The following TTC39C variants were observed in gnomAD, a reference collection of about 807,000 sequenced individuals.
TTC39C encodes tetratricopeptide repeat protein 39C.
TTC39C carries 33 observed loss-of-function variants against 76.3 expected under a neutral mutation model. The ratio of observed to expected loss-of-function variants is 0.43; its 90% confidence interval spans 0.33 to 0.58. The LOEUF (loss-of-function observed/expected upper bound fraction) is 0.58. TTC39C is among the 20% of genes least tolerant of loss of function. The pLI is 0.04. For synonymous variants in TTC39C, 254 were observed against 260.6 expected, an observed-to-expected ratio of 0.97 and a Z score of 0.24; for missense variants, 595 against 701.4, an observed-to-expected ratio of 0.85 and a Z score of 1.71.
At chr18:24,132,172 G>A (rs944758795) in intron 13 of TTC39C, among the ~76,000 whole-genome samples, 2 of 152,198 alleles carry the variant, frequency 1.3e-5, no homozygotes, top group Non-Finnish European at 2.9e-5. Context: ...GATAACTTTT[G>A]ATTTTATAAC....
intron 13 of TTC39C, 36 bp downstream of exon 13, chr18:24,131,956 T>C (rs1445655124): frequency 6.2e-7 from 1 of 1,601,602 alleles, no homozygotes; most frequent in East Asian, 2.2e-5. Flanking sequence ...CCAGTGGCCC[T>C]TCTTATCCCA....
At chr18:24,005,221 T>C (rs2083342847) in intron 1 of TTC39C, among the ~76,000 whole-genome samples, 1 of 152,200 alleles carries the variant, frequency 6.6e-6, no homozygotes. Flanking sequence ...AACTTGTCTT[T>C]CTCCTCACAT....
intron 6 of TTC39C, among the ~76,000 whole-genome samples, chr18:24,097,258 A>G (rs909045461): frequency 7.9e-5 from 12 of 152,196 alleles, no homozygotes; most frequent in Non-Finnish European, 8.8e-5. Context: ...GCATCCCAAA[A>G]AAACTGTTGC....
At chr18:24,042,826 T>C (rs1158398268) in intron 1 of TTC39C, among the ~76,000 whole-genome samples, 1 of 152,128 alleles carries the variant, frequency 6.6e-6, no homozygotes, top group East Asian at 1.9e-4. Flanking sequence ...AAATAACGGG[T>C]GTGCCTAATG....
chr18:24,052,548 A>G (rs2083964426), intron 1 of TTC39C, among the ~76,000 whole-genome samples: 1 of 152,240 alleles, frequency 6.6e-6, no homozygotes, highest in African/African-American at 2.4e-5. Context: ...CTTTAAAAAA[A>G]AAATTATTGC....
chr18:24,100,057 T>G (rs1568437498), intron 6 of TTC39C, among the ~76,000 whole-genome samples: 1 of 152,232 alleles, frequency 6.6e-6, no homozygotes, highest in Admixed American at 6.5e-5. Context: ...GTTTCTAGTT[T>G]CCCTTAACTT....
In TTC39C at chr18:24,123,385, T is replaced by G. The variant is rs11875720; in HGVS notation, c.1187-449T>G. Among the ~76,000 whole-genome samples the G allele has an allele frequency of 2.5e-3, 349 of 139,170 alleles. 3 individuals carry two copies. Among genetic ancestry groups the G allele is most frequent in the African/African-American group, 0.01 (324 of 31,456 alleles). The allele number at this position is 139,170 out of a possible 152,430, so 91.3% of individuals were successfully genotyped here. A position where few individuals can be genotyped will look rare whatever the true frequency, so the allele number is the denominator to read the frequency against. On this transcript the variant is annotated intron_variant, in intron 8 of 13. Transcript: ENST00000317571. ...GCAGTCCTTTGTGGAACAGTCTTTT[T>G]TTTGTTTGTTTGTTTGTTTGTTTGT...
chr18:24,131,291 G>A (rs2085126130), intron 12 of TTC39C, among the ~76,000 whole-genome samples: 1 of 151,512 alleles, frequency 6.6e-6, no homozygotes, highest in Admixed American at 6.6e-5. Flanking sequence ...TTTTAAGGTT[G>A]TTTAGTAAGA....
intron 13 of TTC39C, 54 bp from the exon 14 acceptor site, chr18:24,132,431 C>T: frequency 2.0e-6 from 3 of 1,500,876 alleles, no homozygotes; most frequent in South Asian, 2.3e-5. Flanking sequence ...TACCACAGTA[C>T]CCTGTGCAAG....
chr18:24,084,815 C>G (rs1347019031), intron 6 of TTC39C, among the ~76,000 whole-genome samples: 2 of 152,220 alleles, frequency 1.3e-5, no homozygotes, highest in East Asian at 3.9e-4. Flanking sequence ...CTGTGCGACA[C>G]CATGCCTGGC....
At chr18:24,038,875 C>A (rs2083760629) in intron 1 of TTC39C, among the ~76,000 whole-genome samples, 1 of 152,084 alleles carries the variant, frequency 6.6e-6, no homozygotes, top group Non-Finnish European at 1.5e-5. Context: ...GAGATGTCTT[C>A]CTTCCCCTTC....
intron 6 of TTC39C, among the ~76,000 whole-genome samples, chr18:24,098,317 T>C (rs1475490339): frequency 6.6e-6 from 1 of 152,032 alleles, no homozygotes; most frequent in African/African-American, 2.4e-5. Context: ...TGTGAAAGTG[T>C]ACATAGTTAT....
At chr18:24,045,296 T>C (rs2083853140) in intron 1 of TTC39C, among the ~76,000 whole-genome samples, 1 of 144,880 alleles carries the variant, frequency 6.9e-6, no homozygotes, top group African/African-American at 2.6e-5. Flanking sequence ...ATGTAGCGTG[T>C]CCAACCCCAG....
intron 1 of TTC39C, among the ~76,000 whole-genome samples, chr18:24,041,370 G>A (rs1364761414): frequency 6.6e-6 from 1 of 152,208 alleles, no homozygotes; most frequent in Non-Finnish European, 1.5e-5. Flanking sequence ...GCTCCACCTT[G>A]CAGCAAGCTT....
chr18:24,045,908 T>A (rs2083865810), intron 1 of TTC39C, among the ~76,000 whole-genome samples: 4 of 38,564 alleles, frequency 1.0e-4, no homozygotes, highest in African/African-American at 4.7e-4. Flanking sequence ...TATATATATA[T>A]ATATATATAT....
At chr18:24,005,330 G>A (rs1369876708) in intron 1 of TTC39C, among the ~76,000 whole-genome samples, 1 of 152,088 alleles carries the variant, frequency 6.6e-6, no homozygotes. Context: ...ACGTAGTGAT[G>A]CTAGCCAGCA....
chr18:24,130,331 A>T lies in TTC39C; in HGVS notation c.1537A>T (p.Lys513Ter). Residue 513 changes from lysine (K) to a stop codon, truncating the protein, a stop_gained, in exon 12 of 14, where the codon AAA becomes TAA. Transcript: ENST00000317571. LOFTEE classifies it high-confidence loss of function. ...CTTTCAGTACTTCCAGCGAGCTGTT[A>T]AAGATGAATTGTGTCGTCAGAATAA... Reference protein sequence around the residue: ...DAVQYFQRAVKDELCRQNNLY... With the variant: ...DAVQYFQRAV The T allele has an allele frequency of 6.3e-7, 1 of 1,582,534 alleles. No homozygotes were observed. The highest frequency in any genetic ancestry group is 8.6e-7 in the Non-Finnish European group (1 of 1,165,936).
intron 1 of TTC39C, among the ~76,000 whole-genome samples, chr18:24,054,312 G>A (rs981740339): frequency 6.6e-6 from 1 of 152,150 alleles, no homozygotes; most frequent in Non-Finnish European, 1.5e-5. Flanking sequence ...ATTCTGTTTG[G>A]TTGGCTGGAT....
In TTC39C at chr18:24,083,122, T is replaced by C. The variant is rs776788851; in HGVS notation, c.984+41T>C. 5.2e-6 allele frequency: 8 copies of C among 1,547,318 alleles called. No individual in the cohort carries two copies. In the Admixed American group the frequency reaches 5.7e-5, roughly 11 times the overall value. ...CATCTTTTTAAAATAAAGCCTCCGA[T>C]GATCAAATCTCTGATTCTCACTTGA... On this transcript the variant is annotated intron_variant, in intron 6 of 13. Coordinates refer to ENST00000317571, the MANE Select transcript of TTC39C (RefSeq NM_001135993.2).
Sources: allele counts gnomAD v4.1 joint callset (sites outside exome capture counted in the v4.1 genomes callset), GRCh38; gene constraint gnomAD v4.1.1; transcripts MANE v1.5; gene names NCBI Gene and HGNC (gene_info 2026-07-23, HGNC 2026-07-21).